Variants in PALLD observed in about 807,000 individuals in gnomAD.
The protein encoded by PALLD is palladin, cytoskeletal associated protein, also known as palladin.
In PALLD, 61 loss-of-function variants were observed where a neutral mutation model predicts 123.5. The ratio of observed to expected loss-of-function variants is 0.49; its 90% confidence interval spans 0.40 to 0.61. PALLD has a LOEUF of 0.61. Ranked by LOEUF, PALLD falls within the 20% of genes least tolerant of loss-of-function variation. The pLI is 0.00. For synonymous variants in PALLD, 465 were observed against 496.4 expected (o/e 0.94, Z 0.84); for missense variants, 1,273 against 1,377.0 (o/e 0.92, Z 1.20).
chr4:168,544,199 A>T (rs1765919336), intron 2 of PALLD, among the ~76,000 whole-genome samples: 1 of 152,254 alleles, frequency 6.6e-6, no homozygotes, highest in African/African-American at 2.4e-5. Flanking sequence ...TATACTGATT[A>T]TTAGATGATT....
intron 15 of PALLD, 31 bp downstream of exon 15, chr4:168,903,937 C>G (rs1323982152): frequency 4.4e-6 from 7 of 1,598,068 alleles, no homozygotes; most frequent in Non-Finnish European, 6.0e-6. Context: ...GGGCTCAGTT[C>G]TGTGTCTAGT....
chr4:168,702,568 AAG>A (rs1402584397), intron 8 of PALLD, among the ~76,000 whole-genome samples: 3 of 152,142 alleles, frequency 2.0e-5, no homozygotes, highest in Admixed American at 2.0e-4. Context: ...GAAAGAAAAA[AAG>A]AACATGCGTG....
At chr4:168,631,068 A>G (rs1252403689) in intron 2 of PALLD, among the ~76,000 whole-genome samples, 4 of 152,250 alleles carry the variant, frequency 2.6e-5, no homozygotes, top group Non-Finnish European at 5.9e-5. Context: ...GTTCAACATA[A>G]AAAAGAACAA....
chr4:168,668,946 C>T (rs1464162333), intron 3 of PALLD, among the ~76,000 whole-genome samples: 2 of 152,120 alleles, frequency 1.3e-5, no homozygotes, highest in African/African-American at 2.4e-5. Flanking sequence ...AGGATTCAGT[C>T]TCCAGGGAGT....
At chr4:168,877,258 C>T (rs1751872998) in intron 10 of PALLD, among the ~76,000 whole-genome samples, 1 of 152,206 alleles carries the variant, frequency 6.6e-6, no homozygotes, top group Non-Finnish European at 1.5e-5. Flanking sequence ...CTGAAATAGG[C>T]AAATTGGACT....
intron 10 of PALLD, among the ~76,000 whole-genome samples, chr4:168,841,109 A>G (rs1745975136): frequency 1.3e-5 from 2 of 152,184 alleles, no homozygotes; most frequent in East Asian, 1.9e-4. Context: ...TCGGTCTCCC[A>G]AAGTGCTGAG....
At chr4:168,902,857 A>AACCTCCT (rs1338950312) in intron 14 of PALLD, among the ~76,000 whole-genome samples, 2 of 152,162 alleles carry the variant, frequency 1.3e-5, no homozygotes, top group Non-Finnish European at 2.9e-5. Flanking sequence ...CTACAGCCTC[A>AACCTCCT]ACCTCCTGGG....
chr4:168,776,061 T>G (rs1227607542), intron 10 of PALLD, among the ~76,000 whole-genome samples: 6 of 152,208 alleles, frequency 3.9e-5, no homozygotes, highest in Non-Finnish European at 8.8e-5. Context: ...CTTGTCAATT[T>G]TTACCAAAAA....
intron 2 of PALLD, among the ~76,000 whole-genome samples, chr4:168,563,877 T>C (rs1768100916): frequency 6.6e-6 from 1 of 152,242 alleles, no homozygotes; most frequent in Non-Finnish European, 1.5e-5. Flanking sequence ...CTTATTCATA[T>C]GAATTTATGG....
intron 2 of PALLD, among the ~76,000 whole-genome samples, chr4:168,535,699 G>A (rs879483670): frequency 1.5e-4 from 23 of 152,120 alleles, no homozygotes; most frequent in Non-Finnish European, 2.5e-4. Flanking sequence ...AAGCCACCAC[G>A]GTGAGAATTG....
intron 2 of PALLD, among the ~76,000 whole-genome samples, chr4:168,616,777 C>T (rs561528074): frequency 1.3e-5 from 2 of 152,290 alleles, no homozygotes; most frequent in African/African-American, 2.4e-5. Context: ...GCTTCCCAGG[C>T]AATTCCTAAG....
intron 8 of PALLD, among the ~76,000 whole-genome samples, chr4:168,707,021 TA>T (rs1294331407): frequency 6.6e-6 from 1 of 152,192 alleles, no homozygotes; most frequent in African/African-American, 2.4e-5. Context: ...GATGTATAGG[TA>T]AAAAATTAAA....
intron 16 of PALLD, 37 bp downstream of exon 16, chr4:168,914,058 TTTTA>T: frequency 2.5e-6 from 3 of 1,177,096 alleles, no homozygotes; most frequent in East Asian, 2.3e-5. Flanking sequence ...TGTTACATTA[TTTTA>T]TTTATTACTA....
At chr4:168,821,122 T>C (rs1282643657) in intron 10 of PALLD, among the ~76,000 whole-genome samples, 3 of 152,138 alleles carry the variant, frequency 2.0e-5, no homozygotes, top group African/African-American at 7.2e-5. Flanking sequence ...ACTCTGTAAC[T>C]CACAGTGAGG....
Position 168,824,938 on chromosome 4 carries a change from C to T in PALLD, c.1965-65984C>T, listed in dbSNP as rs576639888. On this transcript the variant is annotated intron_variant, in intron 10 of 21. Coordinates refer to ENST00000505667, the MANE Select transcript of PALLD (RefSeq NM_001166108.2). ...CCAGGCTCAAGCGATTCTCCCACCTCAGCCTCCCAAGTAGCTGGGACTACA... is the reference window on the plus strand; with the variant it reads ...CCAGGCTCAAGCGATTCTCCCACCTTAGCCTCCCAAGTAGCTGGGACTACA... Among the ~76,000 whole-genome samples the T allele has an allele frequency of 2.8e-3, 425 of 151,584 alleles. 1 individual carries two copies. Among genetic ancestry groups the T allele is most frequent in the African/African-American group, 9.9e-3 (409 of 41,310 alleles).
At chr4:168,607,947 G>GTTC (rs1378438940) in intron 2 of PALLD, among the ~76,000 whole-genome samples, 1 of 152,180 alleles carries the variant, frequency 6.6e-6, no homozygotes, top group East Asian at 1.9e-4. Flanking sequence ...TGTCTTTGCT[G>GTTC]CCAATCTTAC....
At chr4:168,686,068 A>G (rs556400287) in intron 6 of PALLD, among the ~76,000 whole-genome samples, 2 of 152,014 alleles carry the variant, frequency 1.3e-5, no homozygotes, top group South Asian at 4.2e-4. Context: ...ATTAAAAGAC[A>G]TTTTAAAAGG....
At chr4:168,662,419 C>A (rs1779213196) in intron 2 of PALLD, among the ~76,000 whole-genome samples, 1 of 152,220 alleles carries the variant, frequency 6.6e-6, no homozygotes, top group Non-Finnish European at 1.5e-5. Flanking sequence ...TGTTTCATTT[C>A]AGCCTTCAAC....
At chr4:168,773,106 C>T (rs1734674757) in intron 10 of PALLD, among the ~76,000 whole-genome samples, 1 of 152,182 alleles carries the variant, frequency 6.6e-6, no homozygotes, top group South Asian at 2.1e-4. Context: ...GATTTTAGAA[C>T]ATGATAGTAA....
Sources: gnomAD v4.1 joint callset for allele counts (sites outside exome capture counted in the v4.1 genomes callset) on GRCh38, gnomAD v4.1.1 for gene constraint, MANE v1.5 for transcripts, NCBI Gene and HGNC (gene_info 2026-07-23, HGNC 2026-07-21) for gene names.